Variants in ARIH1 observed in about 807,000 individuals in gnomAD.
The protein encoded by ARIH1 is E3 ubiquitin-protein ligase ARIH1.
Under a neutral mutation model 85.0 loss-of-function variants are expected in ARIH1, and 8 were observed. That is an observed-to-expected ratio of 0.09 (90% CI 0.06 to 0.17). The LOEUF (loss-of-function observed/expected upper bound fraction) is 0.17. Among genes scored for constraint, ARIH1 ranks in the 10% least tolerant of loss-of-function variants. ARIH1 has a pLI of 1.00. For synonymous variants in ARIH1, 238 were observed against 253.6 expected (o/e 0.94, Z 0.59); for missense variants, 311 against 718.1 (o/e 0.43, Z 6.48).
At chr15:72,578,820 T>TC (rs780676446) in intron 11 of ARIH1, among the ~76,000 whole-genome samples, 9 of 148,728 alleles carry the variant, frequency 6.1e-5, no homozygotes, top group Non-Finnish European at 1.2e-4. Flanking sequence ...TTTGGTGTTT[T>TC]GTTTTTTTTT....
Position 72,561,941 on chromosome 15 carries a change from C to G in ARIH1, c.804+392C>G, listed in dbSNP as rs542811075. Reference sequence around the variant, plus strand: ...TGAGCCGAGATGGCGCCACTGCACTCCAGCCTGGGTGACAGAGCGAGACTC... The same window carrying G: ...TGAGCCGAGATGGCGCCACTGCACTGCAGCCTGGGTGACAGAGCGAGACTC... On this transcript the variant is annotated intron_variant, in intron 6 of 13. Coordinates refer to ENST00000379887, the MANE Select transcript of ARIH1 (RefSeq NM_005744.5). 2.0e-5 allele frequency among the ~76,000 whole-genome samples: 3 copies of G among 152,172 alleles called. No individual in the cohort carries two copies. In the South Asian group the frequency reaches 6.2e-4, roughly 32 times the overall value.
At chr15:72,550,913 C>G (rs541143778) in intron 3 of ARIH1, among the ~76,000 whole-genome samples, 1 of 152,240 alleles carries the variant, frequency 6.6e-6, no homozygotes, top group East Asian at 1.9e-4. Context: ...CTCAGGTGAT[C>G]CGCCTGCCTC....
chr15:72,481,858 CAG>C (rs113615037), intron 1 of ARIH1, among the ~76,000 whole-genome samples: 196 of 152,122 alleles, frequency 1.3e-3, no homozygotes, highest in African/African-American at 4.0e-3. Context: ...TTTTTGGAGA[CAG>C]AGTCTTTTCT....
chr15:72,490,474 G>A (rs752252606), intron 1 of ARIH1, among the ~76,000 whole-genome samples: 4 of 152,178 alleles, frequency 2.6e-5, no homozygotes, highest in Non-Finnish European at 4.4e-5. Context: ...AAGGGATCTA[G>A]GTTGGCACTC....
rs754294778 is a variant in ARIH1, at chr15:72,581,025, C to T, written c.1476+34C>T. The T allele has an allele frequency of 2.5e-6, 4 of 1,594,190 alleles. No homozygotes were observed. The African/African-American group carries it at 4.0e-5, about 16-fold the overall frequency. Reference sequence around the variant, plus strand: ...AGTTCTGGGTGAGGAAAAAGCCCACCTTGTATCATAGGTCTACCTGATCTT... The same window carrying T: ...AGTTCTGGGTGAGGAAAAAGCCCACTTTGTATCATAGGTCTACCTGATCTT... On this transcript the variant is annotated intron_variant, in intron 12 of 13. Transcript: ENST00000379887.
intron 1 of ARIH1, among the ~76,000 whole-genome samples, chr15:72,506,237 C>T (rs1422159109): frequency 6.6e-6 from 1 of 151,178 alleles, no homozygotes; most frequent in Non-Finnish European, 1.5e-5. Flanking sequence ...GTAATCCCAG[C>T]TACTCAGGAG....
At chr15:72,535,319 T>C (rs1263256708) in intron 2 of ARIH1, among the ~76,000 whole-genome samples, 2 of 152,220 alleles carry the variant, frequency 1.3e-5, no homozygotes, top group African/African-American at 4.8e-5. Flanking sequence ...TCTGTACTTC[T>C]CTAGGATTCT....
intron 1 of ARIH1, chr15:72,496,693 C>T: frequency 1.9e-6 from 1 of 518,516 alleles, no homozygotes; most frequent in Non-Finnish European, 2.5e-6. Flanking sequence ...CTGGTTTTCC[C>T]CACCCCTTTA....
chr15:72,522,519 C>T (rs776457360), intron 2 of ARIH1, among the ~76,000 whole-genome samples: 27 of 148,706 alleles, frequency 1.8e-4, no homozygotes, highest in Admixed American at 5.4e-4. Context: ...GACTCTGTCT[C>T]GAAAAAAAGA....
intron 1 of ARIH1, among the ~76,000 whole-genome samples, chr15:72,498,432 TTG>T (rs760983288): frequency 3.3e-5 from 5 of 152,236 alleles, no homozygotes; most frequent in Non-Finnish European, 7.3e-5. Context: ...TCACTCATAT[TTG>T]TGTCTTCTTC....
chr15:72,577,857 C>T (rs1180229958), intron 11 of ARIH1, among the ~76,000 whole-genome samples: 3 of 152,236 alleles, frequency 2.0e-5, no homozygotes, highest in Admixed American at 6.5e-5. Flanking sequence ...GAAAACCTTA[C>T]GAACCGTTTT....
intron 10 of ARIH1, 72 bp downstream of exon 10, chr15:72,570,379 C>A (rs1209876320): frequency 6.4e-7 from 1 of 1,565,250 alleles, no homozygotes; most frequent in Non-Finnish European, 8.7e-7. Flanking sequence ...AACATTTCTA[C>A]CTCATAGATA....
intron 1 of ARIH1, among the ~76,000 whole-genome samples, chr15:72,509,301 T>G (rs998475249): frequency 1.2e-4 from 19 of 152,148 alleles, no homozygotes; most frequent in Admixed American, 2.0e-4. Flanking sequence ...ACATTGTTCT[T>G]TTTAAAAGAA....
chr15:72,529,833 G>T (rs1220294329), intron 2 of ARIH1, among the ~76,000 whole-genome samples: 1 of 152,156 alleles, frequency 6.6e-6, no homozygotes, highest in African/African-American at 2.4e-5. Context: ...AGTATGCGAA[G>T]AATAGAGGGG....
chr15:72,503,619 T>C (rs114355540), intron 1 of ARIH1, among the ~76,000 whole-genome samples: 2,351 of 152,310 alleles, frequency 0.015, 56 homozygotes, highest in Admixed American at 0.057. Context: ...TGGTTTCTAT[T>C]CCCTCCACCA....
intron 8 of ARIH1, 95 bp downstream of exon 8, chr15:72,566,700 T>A: frequency 7.5e-6 from 8 of 1,073,668 alleles, no homozygotes; most frequent in Non-Finnish European, 1.1e-5. Context: ...ATCTATCTAT[T>A]GATAGATTTT....
intron 2 of ARIH1, 110 bp downstream of exon 2, chr15:72,518,244 A>G: frequency 1.2e-6 from 1 of 830,614 alleles, no homozygotes; most frequent in Non-Finnish European, 1.9e-6. Flanking sequence ...GTATGTGGAC[A>G]ACCCAGTGTG....
intron 1 of ARIH1, among the ~76,000 whole-genome samples, chr15:72,494,957 G>A (rs2063873951): frequency 6.6e-6 from 1 of 152,108 alleles, no homozygotes; most frequent in African/African-American, 2.4e-5. Flanking sequence ...TTCATCATCT[G>A]TGAGTATTGT....
chr15:72,525,142 C>G (rs1173252679), intron 2 of ARIH1, among the ~76,000 whole-genome samples: 1 of 152,228 alleles, frequency 6.6e-6, no homozygotes, highest in Non-Finnish European at 1.5e-5. Flanking sequence ...CTGCCCGCCT[C>G]AGCCTCCCAG....
Sources: gnomAD v4.1 joint callset for allele counts (sites outside exome capture counted in the v4.1 genomes callset) on GRCh38, gnomAD v4.1.1 for gene constraint, MANE v1.5 for transcripts, NCBI Gene and HGNC (gene_info 2026-07-23, HGNC 2026-07-21) for gene names.